Variants in TRABD2A observed in about 807,000 individuals in gnomAD.
TRABD2A encodes the protein TraB domain containing 2A, also known as metalloprotease TIKI1.
Under a neutral mutation model 45.6 loss-of-function variants are expected in TRABD2A, and 43 were observed. The observed-to-expected ratio is 0.94, with a 90% CI of 0.74 to 1.22. The LOEUF (loss-of-function observed/expected upper bound fraction) is 1.22, where lower values mean the gene tolerates loss of function less well. TRABD2A is among the 50% of genes most tolerant of loss of function. The pLI is 0.00. For synonymous variants in TRABD2A, 269 were observed against 265.0 expected, an observed-to-expected ratio of 1.02 and a Z score of -0.15; for missense variants, 642 against 652.4, an observed-to-expected ratio of 0.98 and a Z score of 0.17.
chr2:84,838,908 T>C (rs1052534849), intron 4 of TRABD2A, among the ~76,000 whole-genome samples: 4 of 152,246 alleles, frequency 2.6e-5, no homozygotes, highest in Non-Finnish European at 1.5e-5. Flanking sequence ...AGCTGGCTTA[T>C]GTGTGGAGAG....
chr2:84,833,331 C>A (rs1559085399), intron 4 of TRABD2A: 1 of 152,152 alleles, frequency 6.6e-6, no homozygotes, highest in Admixed American at 6.5e-5. Flanking sequence ...TTAAGATCGA[C>A]ACCTAAATAA....
chr2:84,836,504 G>A (rs1319747186), intron 4 of TRABD2A: 4 of 152,176 alleles, frequency 2.6e-5, no homozygotes, highest in Non-Finnish European at 5.9e-5. Context: ...GCTATGACAC[G>A]CCTTGGTGTG....
intron 5 of TRABD2A, among the ~76,000 whole-genome samples, chr2:84,831,572 G>A (rs1363095016): frequency 1.3e-5 from 2 of 151,980 alleles, no homozygotes; most frequent in Non-Finnish European, 2.9e-5. Flanking sequence ...TAGGGAGGAG[G>A]AAACAGCTCA....
intron 2 of TRABD2A, among the ~76,000 whole-genome samples, chr2:84,856,135 G>A (rs1682294600): frequency 6.6e-6 from 1 of 152,128 alleles, no homozygotes; most frequent in African/African-American, 2.4e-5. Flanking sequence ...GTCCCTTGAA[G>A]TATAGTTAAG....
At chr2:84,865,728 G>A (rs1166115503) in intron 2 of TRABD2A, among the ~76,000 whole-genome samples, 1 of 152,186 alleles carries the variant, frequency 6.6e-6, no homozygotes, top group African/African-American at 2.4e-5. Flanking sequence ...GGGCAGAGCA[G>A]GCATTGCAAT....
At chr2:84,856,527 T>G (rs1403374003) in intron 2 of TRABD2A, among the ~76,000 whole-genome samples, 1 of 152,096 alleles carries the variant, frequency 6.6e-6, no homozygotes, top group Non-Finnish European at 1.5e-5. Flanking sequence ...ACCTGAGTTC[T>G]CAACAAAAGG....
At chr2:84,826,355 G>A (rs964246400) in intron 5 of TRABD2A, among the ~76,000 whole-genome samples, 12 of 152,178 alleles carry the variant, frequency 7.9e-5, no homozygotes, top group African/African-American at 2.7e-4. Flanking sequence ...CTGGGTGGGG[G>A]TTGGAGAGTA....
intron 2 of TRABD2A, among the ~76,000 whole-genome samples, chr2:84,861,377 G>A (rs1307352572): frequency 2.6e-5 from 4 of 152,178 alleles, no homozygotes; most frequent in African/African-American, 9.6e-5. Flanking sequence ...GGAGTGTTGG[G>A]GCACAGTGAC....
Position 84,870,295 on chromosome 2 carries a change from C to T in TRABD2A, c.599G>A (p.Arg200Lys). 5.0e-6 allele frequency: 8 copies of T among 1,614,008 alleles called. No individual in the cohort carries two copies. Among genetic ancestry groups the T allele is most frequent in the African/African-American group, 1.3e-5 (1 of 75,038 alleles). ...CTTTTCCACTGCCCCAGTCTGTTTC[C>T]TCAGCCGCTCAGCCTCCTGGGCAAG... ...LFLAQEAERL[R>K]KQTGAVEKVE... The change falls in exon 2 of 7, where the codon AGG (arginine) becomes AAG (lysine). Residue 200 changes from arginine to lysine, a missense_variant. Arg to Lys is a conservative substitution (Grantham distance 26, BLOSUM62 2). Transcript: ENST00000409520.
At chr2:84,848,316 T>A (rs1681965857) in intron 2 of TRABD2A, among the ~76,000 whole-genome samples, 1 of 147,902 alleles carries the variant, frequency 6.8e-6, no homozygotes. Flanking sequence ...GGATGCTGTC[T>A]GCACATAAAA....
At chr2:84,842,810 C>T (rs773271396) in intron 2 of TRABD2A, among the ~76,000 whole-genome samples, 9 of 151,848 alleles carry the variant, frequency 5.9e-5, no homozygotes, top group Non-Finnish European at 1.3e-4. Flanking sequence ...TACTAATGTG[C>T]GATGTGGGTC....
In TRABD2A at chr2:84,870,414, CCAGTTTCCGG is replaced by C; in HGVS notation, c.470_479del (p.Ala157GlyfsTer9). 6.2e-7 allele frequency: 1 copy of C among 1,614,018 alleles called. No individual in the cohort carries two copies. The highest frequency in any genetic ancestry group is 8.5e-7 in the Non-Finnish European group (1 of 1,179,894). ...TCACCCAGACAGGCCTCTTGCGCTC[CCAGTTTCCGG>C]CAATAGCATTGAAGAGGTAGTCTGC... On this transcript the variant is annotated frameshift_variant, in exon 2 of 7. Transcript: ENST00000409520. LOFTEE classifies it high-confidence loss of function.
chr2:84,831,169 G>T (rs1269185297), intron 5 of TRABD2A, among the ~76,000 whole-genome samples: 1 of 151,356 alleles, frequency 6.6e-6, no homozygotes, highest in African/African-American at 2.4e-5. Context: ...CTTAGTAGAA[G>T]AGAGGCCAGG....
At chr2:84,824,546 C>CTTT (rs33984190) in intron 5 of TRABD2A, among the ~76,000 whole-genome samples, 10 of 106,094 alleles carry the variant, frequency 9.4e-5, no homozygotes, top group East Asian at 2.6e-4. Context: ...ACAATTATAG[C>CTTT]TTTTTTTTTT....
chr2:84,879,446 G>C, intron 1 of TRABD2A: 1 of 284,690 alleles, frequency 3.5e-6, no homozygotes, highest in Non-Finnish European at 5.3e-6. Flanking sequence ...CTCCCAAAGT[G>C]CTGGGATTAC....
At chr2:84,843,788 C>G (rs539214493) in intron 2 of TRABD2A, 1 of 152,218 alleles carries the variant, frequency 6.6e-6, no homozygotes, top group African/African-American at 2.4e-5. Context: ...GGCTTAATCA[C>G]CTCCTAAAGG....
intron 3 of TRABD2A, among the ~76,000 whole-genome samples, chr2:84,839,530 T>C (rs1351010384): frequency 5.3e-5 from 8 of 152,086 alleles, no homozygotes; most frequent in African/African-American, 1.9e-4. Context: ...GTGAAGTGCA[T>C]TGAATGAACT....
rs1681085133 is a variant in TRABD2A at position 84,824,255 on chromosome 2, G to A, written c.1083-51C>T. On this transcript the variant is annotated intron_variant, in intron 5 of 6. Coordinates refer to ENST00000409520, the MANE Select transcript of TRABD2A (RefSeq NM_001277053.2). The stretch of plus-strand genomic sequence containing the variant: ...ATTTGGAGGAGGGTCACACAGCATG[G>A]CGCCCTCCCCAGCTCTCTTACACCT... 4 of 1,604,152 alleles carry A rather than the reference G, an allele frequency of 2.5e-6. No homozygotes were observed. In the Admixed American group the frequency reaches 7.0e-5, roughly 28 times the overall value.
At chr2:84,824,788 T>C (rs984535685) in intron 5 of TRABD2A, among the ~76,000 whole-genome samples, 7 of 152,174 alleles carry the variant, frequency 4.6e-5, no homozygotes, top group African/African-American at 1.4e-4. Context: ...CTTAACCCTC[T>C]TAACACTTTC....
Sources: gnomAD v4.1 joint callset for allele counts (sites outside exome capture counted in the v4.1 genomes callset) on GRCh38, gnomAD v4.1.1 for gene constraint, MANE v1.5 for transcripts, NCBI Gene and HGNC (gene_info 2026-07-23, HGNC 2026-07-21) for gene names.